FAM135B: variants seen among roughly 807,000 people sequenced by gnomAD.
The protein encoded by FAM135B is family with sequence similarity 135 member B, also known as protein FAM135B.
Under a neutral mutation model 127.7 loss-of-function variants are expected in FAM135B, and 43 were observed. That is an observed-to-expected ratio of 0.34 (90% CI 0.26 to 0.43). The LOEUF (loss-of-function observed/expected upper bound fraction) is 0.43. Ranked by LOEUF, FAM135B falls within the 20% of genes least tolerant of loss-of-function variation. The pLI is 1.00. For missense variants in FAM135B, 1,558 were observed against 1,725.6 expected, an observed-to-expected ratio of 0.90 and a Z score of 1.72; for synonymous variants, 670 against 665.1, an observed-to-expected ratio of 1.01 and a Z score of -0.11.
intron 1 of FAM135B, among the ~76,000 whole-genome samples, chr8:138,434,769 C>T (rs1014323494): frequency 3.9e-5 from 6 of 152,166 alleles, no homozygotes; most frequent in Admixed American, 3.9e-4. Context: ...AATGGGGATA[C>T]CAATCCCACC....
At chr8:138,320,151 A>C (rs1393851156) in intron 2 of FAM135B, among the ~76,000 whole-genome samples, 1 of 152,260 alleles carries the variant, frequency 6.6e-6, no homozygotes, top group Non-Finnish European at 1.5e-5. Context: ...TAAGATAATA[A>C]TGTTATGTTG....
chr8:138,442,819 C>G (rs993385959), intron 1 of FAM135B, among the ~76,000 whole-genome samples: 1 of 152,244 alleles, frequency 6.6e-6, no homozygotes, highest in African/African-American at 2.4e-5. Context: ...CTGATGGGCT[C>G]TAGCTGTGTC....
intron 7 of FAM135B, among the ~76,000 whole-genome samples, chr8:138,216,535 G>A (rs1324206781): frequency 6.6e-6 from 1 of 152,162 alleles, no homozygotes; most frequent in Non-Finnish European, 1.5e-5. Context: ...ATGCCTGTCT[G>A]AGCCAGGAAC....
At chr8:138,250,389 C>G (rs554549450) in intron 6 of FAM135B, among the ~76,000 whole-genome samples, 1 of 152,182 alleles carries the variant, frequency 6.6e-6, no homozygotes, top group African/African-American at 2.4e-5. Context: ...AATGAATGAA[C>G]CTTCTACATT....
intron 1 of FAM135B, among the ~76,000 whole-genome samples, chr8:138,407,345 T>G (rs1209024626): frequency 1.3e-5 from 2 of 152,158 alleles, no homozygotes; most frequent in Non-Finnish European, 2.9e-5. Context: ...AGGTAATTTA[T>G]AGGTTCAATG....
At chr8:138,301,339 T>C (rs1825873324) in intron 3 of FAM135B, among the ~76,000 whole-genome samples, 1 of 152,228 alleles carries the variant, frequency 6.6e-6, no homozygotes, top group South Asian at 2.1e-4. Context: ...TCTTGCCTCT[T>C]TTGGTTACTT....
At chr8:138,351,797 C>A (rs1231488159) in intron 2 of FAM135B, among the ~76,000 whole-genome samples, 1 of 149,392 alleles carries the variant, frequency 6.7e-6, no homozygotes, top group Non-Finnish European at 1.5e-5. Context: ...TCAAGCAATT[C>A]TCCTGCCTCA....
intron 9 of FAM135B, among the ~76,000 whole-genome samples, chr8:138,190,083 C>T (rs922697842): frequency 1.3e-5 from 2 of 152,170 alleles, no homozygotes. Context: ...CCTGTGGTAC[C>T]CTTGCAACTT....
intron 1 of FAM135B, among the ~76,000 whole-genome samples, chr8:138,396,906 A>G (rs891891845): frequency 6.6e-6 from 1 of 152,206 alleles, no homozygotes; most frequent in Admixed American, 6.5e-5. Context: ...CTAATTATGT[A>G]TCCATAAGAC....
intron 7 of FAM135B, among the ~76,000 whole-genome samples, chr8:138,210,492 T>TG (rs1283692255): frequency 6.6e-6 from 1 of 152,108 alleles, no homozygotes; most frequent in Non-Finnish European, 1.5e-5. Context: ...GAAGCATGAC[T>TG]GGGGGGACTC....
intron 2 of FAM135B, among the ~76,000 whole-genome samples, chr8:138,333,741 C>T (rs988250573): frequency 6.6e-6 from 1 of 152,182 alleles, no homozygotes; most frequent in Non-Finnish European, 1.5e-5. Context: ...TATTAATTAA[C>T]AATTAATATC....
At chr8:138,458,948 T>C (rs530872309) in intron 1 of FAM135B, among the ~76,000 whole-genome samples, 9 of 152,216 alleles carry the variant, frequency 5.9e-5, no homozygotes, top group Admixed American at 4.6e-4. Flanking sequence ...TGCCGGCATG[T>C]ACTGGTGGCC....
chr8:138,366,633 C>G (rs16908949), intron 2 of FAM135B, among the ~76,000 whole-genome samples: 1,907 of 152,248 alleles, frequency 0.013, 33 homozygotes, highest in African/African-American at 0.044. Flanking sequence ...CTGCCAAAAC[C>G]ACTCAGCCTC....
At chr8:138,495,765 G>C (rs906203307) in intron 1 of FAM135B, among the ~76,000 whole-genome samples, 2 of 152,190 alleles carry the variant, frequency 1.3e-5, no homozygotes, top group East Asian at 3.9e-4. Flanking sequence ...CCATCACACT[G>C]TATGGACAGC....
intron 7 of FAM135B, among the ~76,000 whole-genome samples, chr8:138,220,061 T>TCACA (rs3221962): frequency 0.039 from 5,650 of 146,462 alleles, 155 homozygotes; most frequent in Middle Eastern, 0.073. Context: ...TTGCCTAAAA[T>TCACA]CACACACACA....
chr8:138,473,693 T>A (rs972709515), intron 1 of FAM135B, among the ~76,000 whole-genome samples: 2 of 152,184 alleles, frequency 1.3e-5, no homozygotes, highest in African/African-American at 2.4e-5. Context: ...AATAATGCAC[T>A]GGTAATTCGC....
In FAM135B at chr8:138,220,602, C is replaced by T. The variant is rs72723632; in HGVS notation, c.669+22340G>A. Among the ~76,000 whole-genome samples the T allele has an allele frequency of 3.8e-3, 571 of 152,234 alleles. 6 individuals carry two copies. Among genetic ancestry groups the T allele is most frequent in the Non-Finnish European group, 5.7e-3 (390 of 68,012 alleles). ...GCAAAGAGCCTAGAAGCATATCTAA[C>T]GCATTGTAAGTGCTTGGTAAGTATT... On this transcript the variant is annotated intron_variant, in intron 7 of 19. Coordinates refer to ENST00000395297, the MANE Select transcript of FAM135B (RefSeq NM_015912.4).
chr8:138,266,402 C>A (rs188909650), intron 3 of FAM135B, among the ~76,000 whole-genome samples: 1 of 152,008 alleles, frequency 6.6e-6, no homozygotes, highest in African/African-American at 2.4e-5. Flanking sequence ...GCTCTGTATC[C>A]TCCAGTGCAT....
chr8:138,295,101 G>GC (rs1329323354), intron 3 of FAM135B, among the ~76,000 whole-genome samples: 4 of 106,872 alleles, frequency 3.7e-5, no homozygotes, highest in African/African-American at 1.5e-4. Context: ...CCTTGCTGGT[G>GC]CTTTTTTTTT....
Sources: gnomAD v4.1 joint callset for allele counts (sites outside exome capture counted in the v4.1 genomes callset) on GRCh38, gnomAD v4.1.1 for gene constraint, MANE v1.5 for transcripts, NCBI Gene and HGNC (gene_info 2026-07-23, HGNC 2026-07-21) for gene names.